Variants in LRRC49 observed in about 807,000 individuals in gnomAD.
LRRC49 encodes the protein leucine rich repeat containing 49.
In LRRC49, 50 loss-of-function variants were observed where a neutral mutation model predicts 83.3. The ratio of observed to expected loss-of-function variants is 0.60; its 90% confidence interval spans 0.48 to 0.76. LRRC49 has a LOEUF of 0.76. LRRC49 is among the 30% of genes least tolerant of loss of function. The probability of loss-of-function intolerance (pLI) is 0.00; values close to 1 mark genes in which losing one functional copy is unlikely to be tolerated. For missense variants in LRRC49, 704 were observed against 809.1 expected (o/e 0.87, Z 1.58); for synonymous variants, 286 against 283.3 (o/e 1.01, Z -0.10).
At chr15:71,024,169 C>T (rs1352365365) in intron 14 of LRRC49, among the ~76,000 whole-genome samples, 1 of 152,240 alleles carries the variant, frequency 6.6e-6, no homozygotes, top group African/African-American at 2.4e-5. Flanking sequence ...CCGATTTAGT[C>T]TTTCTCCTGC....
intron 3 of LRRC49, among the ~76,000 whole-genome samples, chr15:70,896,457 G>C (rs1341271592): frequency 6.6e-6 from 1 of 152,180 alleles, no homozygotes; most frequent in Non-Finnish European, 1.5e-5. Context: ...TGTAGGTCTT[G>C]AGCGGGATTT....
intron 7 of LRRC49, among the ~76,000 whole-genome samples, chr15:70,923,384 T>G (rs1462631572): frequency 1.3e-5 from 2 of 152,030 alleles, no homozygotes; most frequent in African/African-American, 2.4e-5. Flanking sequence ...ATTTTGAAGC[T>G]ATGTTTCTAG....
chr15:70,916,654 A>G (rs574946887), intron 6 of LRRC49, among the ~76,000 whole-genome samples: 2 of 152,192 alleles, frequency 1.3e-5, no homozygotes, highest in East Asian at 3.9e-4. Flanking sequence ...CCATCAGGCC[A>G]GCTGCAGCAG....
chr15:71,004,205 T>C (rs2038370714), intron 11 of LRRC49, among the ~76,000 whole-genome samples: 1 of 152,204 alleles, frequency 6.6e-6, no homozygotes, highest in African/African-American at 2.4e-5. Context: ...GTTTCAATGT[T>C]CCTGCCCTGT....
chr15:70,878,237 T>C (rs2033193296), intron 2 of LRRC49, among the ~76,000 whole-genome samples: 1 of 152,224 alleles, frequency 6.6e-6, no homozygotes. Context: ...TTTCCAATTG[T>C]TCATTGTTAG....
chr15:70,865,567 A>AT (rs2032891625), intron 1 of LRRC49, among the ~76,000 whole-genome samples: 1 of 152,216 alleles, frequency 6.6e-6, no homozygotes, highest in Admixed American at 6.5e-5. Context: ...CTTCTAATTT[A>AT]TTTACATCGA....
intron 9 of LRRC49, among the ~76,000 whole-genome samples, chr15:70,971,055 A>T (rs989727876): frequency 3.3e-5 from 5 of 152,088 alleles, no homozygotes; most frequent in African/African-American, 1.2e-4. Flanking sequence ...TTGCTTCTCT[A>T]ATTCTTTCAA....
intron 11 of LRRC49, among the ~76,000 whole-genome samples, chr15:70,991,203 A>G (rs988646333): frequency 6.6e-6 from 1 of 152,202 alleles, no homozygotes; most frequent in Non-Finnish European, 1.5e-5. Flanking sequence ...CCCTAGGTTT[A>G]TGAGCAATGC....
At chr15:71,022,376 A>C (rs2039021322) in intron 14 of LRRC49, among the ~76,000 whole-genome samples, 1 of 152,230 alleles carries the variant, frequency 6.6e-6, no homozygotes, top group Non-Finnish European at 1.5e-5. Context: ...CTGTCTCCAA[A>C]AAAAACCAAA....
intron 15 of LRRC49, 74 bp downstream of exon 15, chr15:71,037,406 AT>A: frequency 1.6e-6 from 2 of 1,231,834 alleles, no homozygotes; most frequent in Non-Finnish European, 2.3e-6. Context: ...GGGGTTGTAC[AT>A]TTTACCCTTA....
At chr15:70,973,151 C>T (rs754875671) in intron 9 of LRRC49, among the ~76,000 whole-genome samples, 4 of 152,032 alleles carry the variant, frequency 2.6e-5, no homozygotes, top group East Asian at 1.9e-4. Context: ...CTGTTGGTGA[C>T]CTTTGGATGG....
intron 8 of LRRC49, among the ~76,000 whole-genome samples, chr15:70,941,951 T>C (rs1478955120): frequency 6.6e-6 from 1 of 152,132 alleles, no homozygotes; most frequent in African/African-American, 2.4e-5. Flanking sequence ...CTTATAAATA[T>C]ATATATGATT....
intron 4 of LRRC49, among the ~76,000 whole-genome samples, chr15:70,901,415 T>A (rs1053612659): frequency 6.6e-6 from 1 of 152,168 alleles, no homozygotes; most frequent in Non-Finnish European, 1.5e-5. Context: ...ACTGCTCCAA[T>A]CATACCTGCC....
At chr15:70,867,131 T>C (rs1470359150) in intron 1 of LRRC49, among the ~76,000 whole-genome samples, 2 of 151,516 alleles carry the variant, frequency 1.3e-5, no homozygotes, top group African/African-American at 4.9e-5. Flanking sequence ...CTCTCATTCC[T>C]TTCACCCTCT....
At chr15:70,986,140 C>T (rs2037606834) in intron 11 of LRRC49, among the ~76,000 whole-genome samples, 1 of 149,822 alleles carries the variant, frequency 6.7e-6, no homozygotes, top group African/African-American at 2.4e-5. Flanking sequence ...TCCATATGAA[C>T]TTTAAAGTAG....
chr15:71,012,911 C>A lies in LRRC49; in HGVS notation c.1701C>A (p.Ala567=). 1 of 1,593,498 alleles carries A rather than the reference C, an allele frequency of 6.3e-7. No individual in the cohort carries two copies. The highest frequency in any genetic ancestry group is 8.6e-7 in the Non-Finnish European group (1 of 1,167,566). The change falls in exon 14 of 16, where the codon GCC becomes GCA. Residue 567 remains alanine (A), a splice_region_variant and synonymous_variant. Transcript: ENST00000260382. ...GTCTGATTTCCATTCTGGGTGATGC[C>A]AGGTAACCTTTAATTTTTGTAGTTT... The part of the protein sequence containing the change: ...QYRLISILGD[A]RKKQFRYLLE...
intron 11 of LRRC49, among the ~76,000 whole-genome samples, chr15:71,003,420 G>C (rs1244827184): frequency 6.6e-6 from 1 of 152,162 alleles, no homozygotes; most frequent in Non-Finnish European, 1.5e-5. Flanking sequence ...ATTTTAAACA[G>C]ATCCTCCAGA....
At chr15:71,026,458 T>C (rs576126533) in intron 14 of LRRC49, among the ~76,000 whole-genome samples, 6 of 152,280 alleles carry the variant, frequency 3.9e-5, no homozygotes, top group Non-Finnish European at 7.4e-5. Flanking sequence ...GGTCAAATGG[T>C]ATTTCTGGTT....
At chr15:71,010,127 A>T in intron 13 of LRRC49, 135 bp downstream of exon 13, 1 of 492,014 alleles carries the variant, frequency 2.0e-6, no homozygotes, top group Non-Finnish European at 3.4e-6. Context: ...ATTGACATTT[A>T]AAATGTCAAA....
Sources: allele counts gnomAD v4.1 joint callset (sites outside exome capture counted in the v4.1 genomes callset), GRCh38; gene constraint gnomAD v4.1.1; transcripts MANE v1.5; gene names NCBI Gene and HGNC (gene_info 2026-07-23, HGNC 2026-07-21).